Variants in RAB10 observed in about 807,000 individuals in gnomAD.
RAB10 encodes RAB10, member RAS oncogene family.
A neutral mutation model predicts 25.7 loss-of-function variants in RAB10; 5 were observed. The observed-to-expected ratio is 0.19, with a 90% CI of 0.10 to 0.41. The LOEUF (loss-of-function observed/expected upper bound fraction) is 0.41. RAB10 is among the 10% of genes least tolerant of loss of function. RAB10 has a pLI of 1.00. For synonymous variants in RAB10, 89 were observed against 86.4 expected, an observed-to-expected ratio of 1.03 and a Z score of -0.16; for missense variants, 103 against 245.8, an observed-to-expected ratio of 0.42 and a Z score of 3.89.
At position 26,034,285 on chromosome 2, in the gene RAB10, C is replaced by T; in HGVS notation, c.-324C>T. On this transcript the variant is annotated 5_prime_UTR_variant, in exon 1 of 6. Coordinates refer to ENST00000264710, the MANE Select transcript of RAB10 (RefSeq NM_016131.5). The stretch of plus-strand genomic sequence containing the variant: ...CCGCTGCGCCTCCTCGACGGCAGAG[C>T]AGGCTTGCTCGCCCGTGGGAGCGTC... 1 of 529,578 alleles carries T rather than the reference C, an allele frequency of 1.9e-6. No individual in the cohort carries two copies. The highest frequency in any genetic ancestry group is 3.4e-6 in the Non-Finnish European group (1 of 296,934). 32.8% of individuals were successfully genotyped at this position (529,578 alleles called of 1,614,324 possible).
At chr2:26,102,377 A>G (rs1667359843) in intron 2 of RAB10, among the ~76,000 whole-genome samples, 1 of 149,852 alleles carries the variant, frequency 6.7e-6, no homozygotes, top group African/African-American at 2.5e-5. Context: ...GGGCAGATCT[A>G]TATATTTTGA....
chr2:26,068,669 GCCT>G (rs2149269595), intron 1 of RAB10, among the ~76,000 whole-genome samples: 1 of 152,208 alleles, frequency 6.6e-6, no homozygotes, highest in South Asian at 2.1e-4. Context: ...TAAACTCTGA[GCCT>G]CTTTCTTTAT....
At chr2:26,083,976 A>G (rs1666923928) in intron 1 of RAB10, among the ~76,000 whole-genome samples, 1 of 152,268 alleles carries the variant, frequency 6.6e-6, no homozygotes, top group African/African-American at 2.4e-5. Context: ...TATCGCTGAG[A>G]GAACTAAAGA....
chr2:26,086,160 C>A (rs1444551846), intron 1 of RAB10, among the ~76,000 whole-genome samples: 2 of 151,232 alleles, frequency 1.3e-5, no homozygotes, highest in Non-Finnish European at 3.0e-5. Context: ...ACTAAAAATA[C>A]AAAAAAAAGT....
At chr2:26,099,522 G>GT (rs1329482531) in intron 2 of RAB10, among the ~76,000 whole-genome samples, 6 of 103,668 alleles carry the variant, frequency 5.8e-5, no homozygotes, top group Admixed American at 2.2e-4. Flanking sequence ...TCTGTTTTTT[G>GT]TTTTTTTGGG....
chr2:26,037,194 A>G (rs1665780912), intron 1 of RAB10, among the ~76,000 whole-genome samples: 1 of 152,234 alleles, frequency 6.6e-6, no homozygotes, highest in African/African-American at 2.4e-5. Flanking sequence ...TCAATCCTGT[A>G]AGATAATGGT....
chr2:26,098,463 A>G (rs560871576), intron 1 of RAB10, 199 bp from the exon 2 acceptor site: 21 of 510,862 alleles, frequency 4.1e-5, no homozygotes, highest in East Asian at 1.1e-4. Flanking sequence ...TTCTGTATCT[A>G]TTTTTCCTCC....
chr2:26,052,407 T>G (rs2149264498), intron 1 of RAB10, among the ~76,000 whole-genome samples: 1 of 151,230 alleles, frequency 6.6e-6, no homozygotes, highest in Middle Eastern at 3.5e-3. Flanking sequence ...GTTTTCAAGG[T>G]CTAAACATGG....
chr2:26,063,215 T>C (rs915639647), intron 1 of RAB10, among the ~76,000 whole-genome samples: 1 of 151,918 alleles, frequency 6.6e-6, no homozygotes, highest in African/African-American at 2.4e-5. Context: ...GTAGATAGCC[T>C]TGGCAGTTTT....
intron 3 of RAB10, among the ~76,000 whole-genome samples, chr2:26,113,812 G>A (rs1667630255): frequency 6.7e-5 from 10 of 148,844 alleles, no homozygotes; most frequent in Admixed American, 6.7e-4. Context: ...ATAAATGGTA[G>A]AATATTTTAT....
intron 1 of RAB10, among the ~76,000 whole-genome samples, chr2:26,089,037 T>C (rs1313851875): frequency 6.6e-6 from 1 of 152,020 alleles, no homozygotes; most frequent in Non-Finnish European, 1.5e-5. Context: ...GCTATGAAAG[T>C]TGTGTTTGAA....
intron 1 of RAB10, among the ~76,000 whole-genome samples, chr2:26,090,305 T>A (rs756408764): frequency 1.3e-5 from 2 of 152,202 alleles, no homozygotes; most frequent in Non-Finnish European, 2.9e-5. Flanking sequence ...TGGATTTTAG[T>A]GTTATTGAGA....
chr2:26,073,413 A>G (rs748407053), intron 1 of RAB10, among the ~76,000 whole-genome samples: 1 of 152,284 alleles, frequency 6.6e-6, no homozygotes, highest in South Asian at 2.1e-4. Context: ...CTATTGGGCT[A>G]TTGCCATTGT....
At chr2:26,039,634 C>A (rs1665841325) in intron 1 of RAB10, among the ~76,000 whole-genome samples, 1 of 152,094 alleles carries the variant, frequency 6.6e-6, no homozygotes, top group South Asian at 2.1e-4. Context: ...CAGACGTGAG[C>A]CACCACACTT....
chr2:26,075,935 A>G (rs1273868179), intron 1 of RAB10, among the ~76,000 whole-genome samples: 4 of 152,136 alleles, frequency 2.6e-5, no homozygotes, highest in South Asian at 2.1e-4. Flanking sequence ...CCTGAGAGTC[A>G]TGGTGTTTGG....
At chr2:26,097,446 T>C (rs10048648) in intron 1 of RAB10, among the ~76,000 whole-genome samples, 113,417 of 151,850 alleles carry the variant, frequency 0.75, 42,575 homozygotes, top group East Asian at 0.87. Context: ...GGCATGGTAT[T>C]TTTGTGTTTT....
In RAB10 at chr2:26,034,140, CG is replaced by C. The variant is rs1665702015; in HGVS notation, c.-465del. 7.4e-6 allele frequency: 3 copies of C among 406,542 alleles called. No individual in the cohort carries two copies. Among genetic ancestry groups the C allele is most frequent in the Non-Finnish European group, 1.3e-5 (3 of 230,030 alleles). 25.2% of individuals were successfully genotyped at this position (406,542 alleles called of 1,614,324 possible). On this transcript the variant is annotated 5_prime_UTR_variant, in exon 1 of 6. Coordinates refer to ENST00000264710, the MANE Select transcript of RAB10 (RefSeq NM_016131.5). ...GGCACGGGGAAAAGGTGGCTCTGGCCGGGGTGGCTCGGTTTCCTGGGGCTAT... is the reference window on the plus strand; with the variant it reads ...GGCACGGGGAAAAGGTGGCTCTGGCCGGGTGGCTCGGTTTCCTGGGGCTAT...
intron 1 of RAB10, among the ~76,000 whole-genome samples, chr2:26,095,889 G>C (rs1667201296): frequency 6.6e-6 from 1 of 152,190 alleles, no homozygotes; most frequent in South Asian, 2.1e-4. Context: ...CATCCTGGGT[G>C]ACAGAGCGAC....
chr2:26,035,514 G>C (rs1665746167), intron 1 of RAB10, among the ~76,000 whole-genome samples: 1 of 152,194 alleles, frequency 6.6e-6, no homozygotes, highest in African/African-American at 2.4e-5. Flanking sequence ...TAGTGTGGAA[G>C]TAAGAGCTAA....
Sources: allele counts gnomAD v4.1 joint callset (sites outside exome capture counted in the v4.1 genomes callset), GRCh38; gene constraint gnomAD v4.1.1; transcripts MANE v1.5; gene names NCBI Gene and HGNC (gene_info 2026-07-23, HGNC 2026-07-21).